Variants in TCF21 observed in about 807,000 individuals in gnomAD.
The protein encoded by TCF21 is capsulin.
Under a neutral mutation model 13.5 loss-of-function variants are expected in TCF21, and 3 were observed. That is an observed-to-expected ratio of 0.22 (90% confidence interval 0.10 to 0.57). The LOEUF is 0.57. Among genes scored for constraint, TCF21 ranks in the 20% least tolerant of loss-of-function variants. TCF21 has a pLI of 0.92. For missense variants in TCF21, 181 were observed against 238.4 expected (o/e 0.76, Z 1.59); for synonymous variants, 92 against 101.7 (o/e 0.90, Z 0.57).
In TCF21 at chr6:133,891,600, C is replaced by T. The variant is rs916232646; in HGVS notation, c.451-113C>T. Reference sequence around the variant, plus strand: ...AGTAAATTGCAGAGATAACCGGTCTCTCCAGAGCACCGCCTGCCCCCACCG... The same window carrying T: ...AGTAAATTGCAGAGATAACCGGTCTTTCCAGAGCACCGCCTGCCCCCACCG... On this transcript the variant is annotated intron_variant, in intron 1 of 1. Coordinates refer to ENST00000367882, the MANE Select transcript of TCF21 (RefSeq NM_003206.4). 16 of 1,159,188 alleles carry T rather than the reference C, an allele frequency of 1.4e-5. No homozygotes were observed. In the Admixed American group the frequency reaches 1.8e-4, roughly 13 times the overall value. The allele number at this position is 1,159,188 out of a possible 1,614,324, so 71.8% of individuals were successfully genotyped here. A position where few individuals can be genotyped will look rare whatever the true frequency, so the allele number is the denominator to read the frequency against.
intron 1 of TCF21, among the ~76,000 whole-genome samples, chr6:133,891,248 A>T (rs1421205858): frequency 1.3e-5 from 2 of 152,186 alleles, no homozygotes; most frequent in Non-Finnish European, 2.9e-5. Flanking sequence ...TGAAAGCGAC[A>T]GGGCCCTGAA....
chr6:133,889,483 A>C lies in TCF21; in HGVS notation c.86A>C (p.Lys29Thr). 2 of 1,614,086 alleles carry C rather than the reference A, an allele frequency of 1.2e-6. No individual in the cohort carries two copies. Among genetic ancestry groups the C allele is most frequent in the Non-Finnish European group, 1.7e-6 (2 of 1,180,004 alleles). Residue 29 changes from lysine to threonine, a missense_variant, in exon 1 of 2, where the codon AAG becomes ACG. By Grantham distance (78) the Lys-to-Thr change is moderately conservative. Coordinates refer to ENST00000367882, the MANE Select transcript of TCF21 (RefSeq NM_003206.4). The surrounding 1 kb of genome is among the most constrained non-coding windows in gnomAD (Gnocchi z 5.1). ...ECDGLKMDSN[K>T]EFVTSNESTE... ...GACGGGTTGAAAATGGATTCGAACA[A>C]GGAATTTGTGACTTCCAACGAGAGC...
rs200648700 is a variant in TCF21, at chr6:133,889,376, T to C, written c.-22T>C. 519 of 1,611,030 alleles carry C rather than the reference T, an allele frequency of 3.2e-4. No homozygotes were observed. The highest frequency in any genetic ancestry group is 4.3e-4 in the Non-Finnish European group (506 of 1,178,448). ...GTCTCTCTGTCTCTCTCTCTCTCTC[T>C]CCCTCGTCCACTCCCCCAAACATGT... On this transcript the variant is annotated 5_prime_UTR_variant, in exon 1 of 2. Coordinates refer to ENST00000367882, the MANE Select transcript of TCF21 (RefSeq NM_003206.4). The surrounding 1 kb of genome is among the most constrained non-coding windows in gnomAD (Gnocchi z 5.1).
chr6:133,889,974 C>A lies in TCF21; in HGVS notation c.450+127C>A. The A allele has an allele frequency of 9.3e-7, 1 of 1,074,244 alleles. No homozygotes were observed. The highest frequency in any genetic ancestry group is 1.4e-6 in the Non-Finnish European group (1 of 717,344). The allele number at this position is 1,074,244 out of a possible 1,614,324, so 66.5% of individuals were successfully genotyped here. A position where few individuals can be genotyped will look rare whatever the true frequency, so the allele number is the denominator to read the frequency against. On this transcript the variant is annotated intron_variant, in intron 1 of 1. Transcript: ENST00000367882. The surrounding 1 kb of genome is among the most constrained non-coding windows in gnomAD (Gnocchi z 5.1). Reference sequence around the variant, plus strand: ...GCGGTGACTTACACATCTCGACCACCGCGGGCCTAGAGCCTCCAGGGACCG... The same window carrying A: ...GCGGTGACTTACACATCTCGACCACAGCGGGCCTAGAGCCTCCAGGGACCG...
At chr6:133,894,800 C>T (rs906775690), downstream of TCF21, 4 of 152,104 alleles carry the variant, frequency 2.6e-5, no homozygotes, top group Non-Finnish European at 4.4e-5. Context: ...AGTTGGGGGT[C>T]GGGGATGTTA....
chr6:133,890,924 C>T (rs1775205716), intron 1 of TCF21, among the ~76,000 whole-genome samples: 3 of 152,240 alleles, frequency 2.0e-5, no homozygotes, highest in Middle Eastern at 3.4e-3. Flanking sequence ...GGTTTTTCCC[C>T]CCCAATGAGT....
At chr6:133,890,881 T>C (rs922117868) in intron 1 of TCF21, among the ~76,000 whole-genome samples, 7 of 152,158 alleles carry the variant, frequency 4.6e-5, no homozygotes, top group African/African-American at 1.7e-4. Flanking sequence ...CATTTTACCA[T>C]GAAAAATGTT....
intron 1 of TCF21, among the ~76,000 whole-genome samples, chr6:133,891,169 G>T (rs1169265212): frequency 6.6e-6 from 1 of 152,184 alleles, no homozygotes; most frequent in Non-Finnish European, 1.5e-5. Flanking sequence ...AGAAGCTGTA[G>T]TCAAAGCCGG....
At position 133,891,959 on chromosome 6, in the gene TCF21, C is replaced by T; in HGVS notation, c.*157C>T. On this transcript the variant is annotated 3_prime_UTR_variant, in exon 2 of 2. Coordinates refer to ENST00000367882, the MANE Select transcript of TCF21 (RefSeq NM_003206.4). ...AACACTTTACAACGACGAGGAGATT[C>T]GTTTCCAAACCAGAGGAGATCAATT... The T allele has an allele frequency of 1.4e-6, 1 of 692,226 alleles. No homozygotes were observed. The highest frequency in any genetic ancestry group is 2.4e-6 in the Non-Finnish European group (1 of 416,538). 42.9% of individuals were successfully genotyped at this position (692,226 alleles called of 1,614,324 possible).
intron 1 of TCF21, 105 bp from the exon 2 acceptor site, chr6:133,891,608 C>A: frequency 8.3e-7 from 1 of 1,204,050 alleles, no homozygotes; most frequent in Non-Finnish European, 1.2e-6. Context: ...CTCTCCAGAG[C>A]ACCGCCTGCC....
At position 133,889,938 on chromosome 6, in the gene TCF21, G is replaced by T. The variant is rs1342144977; in HGVS notation, c.450+91G>T. 8.3e-6 allele frequency: 12 copies of T among 1,440,250 alleles called. No homozygotes were observed. Among genetic ancestry groups the T allele is most frequent in the African/African-American group, 1.4e-5 (1 of 71,328 alleles). The allele number at this position is 1,440,250 out of a possible 1,614,324, so 89.2% of individuals were successfully genotyped here. On this transcript the variant is annotated intron_variant, in intron 1 of 1. Coordinates refer to ENST00000367882, the MANE Select transcript of TCF21 (RefSeq NM_003206.4). This position sits in a 1 kb window ranked among gnomAD's most constrained non-coding sequence, Gnocchi z 5.1. ...AGTGCGCGCGGGGCTGGGAGTGGGG[G>T]TGTGGGCGCGGCGGTGACTTACACA...
downstream of TCF21, chr6:133,893,526 T>A (rs1038690864): frequency 6.6e-6 from 1 of 152,178 alleles, no homozygotes; most frequent in Non-Finnish European, 1.5e-5. Flanking sequence ...CTCAAATTCA[T>A]GTGTTCTCTC....
chr6:133,890,920 T>C (rs972833220), intron 1 of TCF21, among the ~76,000 whole-genome samples: 6 of 152,186 alleles, frequency 3.9e-5, no homozygotes, highest in South Asian at 4.1e-4. Context: ...TTGGGGTTTT[T>C]CCCCCCCAAT....
chr6:133,889,149 G>T lies in TCF21; in HGVS notation c.-249G>T. ...ACCCTCCTCTACGGCCACGACTCTGGGAGTGGGGAAACAGAGAGCCGGTTC... is the reference window on the plus strand; with the variant it reads ...ACCCTCCTCTACGGCCACGACTCTGTGAGTGGGGAAACAGAGAGCCGGTTC... On this transcript the variant is annotated 5_prime_UTR_variant, in exon 1 of 2. Coordinates refer to ENST00000367882, the MANE Select transcript of TCF21 (RefSeq NM_003206.4). This position sits in a 1 kb window ranked among gnomAD's most constrained non-coding sequence, Gnocchi z 5.1. 1 of 568,928 alleles carries T rather than the reference G, an allele frequency of 1.8e-6. No individual in the cohort carries two copies. The highest frequency in any genetic ancestry group is 3.1e-6 in the Non-Finnish European group (1 of 318,392). 35.2% of individuals were successfully genotyped at this position (568,928 alleles called of 1,614,324 possible). A position where few individuals can be genotyped will look rare whatever the true frequency, so the allele number is the denominator to read the frequency against.
chr6:133,889,554 C>T lies in TCF21; in HGVS notation c.157C>T (p.Arg53Cys), dbSNP rs769435875. 1.9e-6 allele frequency: 3 copies of T among 1,613,984 alleles called. No homozygotes were observed. Among genetic ancestry groups the T allele is most frequent in the East Asian group, 2.2e-5 (1 of 44,840 alleles). Residue 53 changes from arginine (R) to cysteine (C), a missense_variant, in exon 1 of 2, where the codon CGC becomes TGC. By Grantham distance (180) the Arg-to-Cys change is radical. Transcript: ENST00000367882. This position sits in a 1 kb window ranked among gnomAD's most constrained non-coding sequence, Gnocchi z 5.1. ...NCENGSPQKG[R>C]GGLGKRRKAP... The stretch of plus-strand genomic sequence containing the variant: ...CGAGAATGGGTCTCCCCAGAAGGGC[C>T]GCGGCGGCCTGGGCAAGAGGAGGAA...
intron 1 of TCF21, among the ~76,000 whole-genome samples, chr6:133,891,454 T>G (rs1340652343): frequency 6.6e-6 from 1 of 152,222 alleles, no homozygotes; most frequent in Non-Finnish European, 1.5e-5. Flanking sequence ...AGGAACCCAG[T>G]ATAAGCCCTT....
At chr6:133,891,545 T>C in intron 1 of TCF21, 168 bp from the exon 2 acceptor site, 1 of 739,358 alleles carries the variant, frequency 1.4e-6, no homozygotes, top group African/African-American at 1.7e-5. Context: ...CTATTTGCTT[T>C]ATGCAGCCGC....
At position 133,889,455 on chromosome 6, in the gene TCF21, T is replaced by A. The variant is rs376800209; in HGVS notation, c.58T>A (p.Cys20Ser). The A allele has an allele frequency of 4.8e-5, 77 of 1,613,918 alleles. No individual in the cohort carries two copies. Among genetic ancestry groups the A allele is most frequent in the Non-Finnish European group, 5.6e-5 (66 of 1,180,004 alleles). Residue 20 changes from cysteine (C) to serine (S), a missense_variant, in exon 1 of 2, where the codon TGT becomes AGT. Physicochemically the swap from Cys to Ser is moderately radical, Grantham distance 112 (BLOSUM62 -1). Coordinates refer to ENST00000367882, the MANE Select transcript of TCF21 (RefSeq NM_003206.4). The surrounding 1 kb of genome is among the most constrained non-coding windows in gnomAD (Gnocchi z 5.1). ...CCTTCAAGAGGTGGAGATGTTGGAA[T>A]GTGACGGGTTGAAAATGGATTCGAA... ...EDLQEVEMLE[C>S]DGLKMDSNKE...
rs943630437 is a variant in TCF21 at position 133,891,908 on chromosome 6, C to T, written c.*106C>T. 7.7e-6 allele frequency: 9 copies of T among 1,166,932 alleles called. No individual in the cohort carries two copies. In the African/African-American group the frequency reaches 1.2e-4, roughly 16 times the overall value. The allele number at this position is 1,166,932 out of a possible 1,614,324, so 72.3% of individuals were successfully genotyped here. A position where few individuals can be genotyped will look rare whatever the true frequency, so the allele number is the denominator to read the frequency against. On this transcript the variant is annotated 3_prime_UTR_variant, in exon 2 of 2. Transcript: ENST00000367882. ...CTGTCTCTGCTTCCCCCTCGCAATG[C>T]TCCTCTCTCTGTCCCACCCCGCGAG...
Sources: allele counts gnomAD v4.1 joint callset (sites outside exome capture counted in the v4.1 genomes callset), GRCh38; gene constraint gnomAD v4.1.1; non-coding constraint Gnocchi (gnomAD v3.1); transcripts MANE v1.5; gene names NCBI Gene and HGNC (gene_info 2026-07-23, HGNC 2026-07-21).